MLIP: variants seen among roughly 807,000 people sequenced by gnomAD.
The protein encoded by MLIP is muscular LMNA interacting protein.
In MLIP, 79 loss-of-function variants were observed where a neutral mutation model predicts 84.8. That is an observed-to-expected ratio of 0.93 (90% CI 0.78 to 1.12). The LOEUF (loss-of-function observed/expected upper bound fraction) is 1.12, where lower values mean the gene tolerates loss of function less well. Ranked by LOEUF, MLIP falls within the 50% of genes most tolerant of loss-of-function variation. The probability of loss-of-function intolerance (pLI) is 0.00; values close to 1 mark genes in which losing one functional copy is unlikely to be tolerated. For synonymous variants in MLIP, 504 were observed against 463.0 expected (o/e 1.09, Z -1.14); for missense variants, 1,257 against 1,160.6 (o/e 1.08, Z -1.21).
At chr6:54,169,772 C>T (rs781195351) in intron 9 of MLIP, among the ~76,000 whole-genome samples, 200 bp downstream of exon 9, 10 of 151,540 alleles carry the variant, frequency 6.6e-5, no homozygotes, top group Non-Finnish European at 3.0e-5. Flanking sequence ...ATAAATTTGT[C>T]CTTAAGTGAG....
intron 11 of MLIP, among the ~76,000 whole-genome samples, chr6:54,207,572 A>T (rs1193959322): frequency 1.3e-5 from 2 of 152,172 alleles, no homozygotes; most frequent in Non-Finnish European, 2.9e-5. Flanking sequence ...AGGAGTAAAA[A>T]TCTTAAAGAG....
At chr6:54,170,618 CTG>C (rs1388168608) in intron 9 of MLIP, among the ~76,000 whole-genome samples, 2 of 151,518 alleles carry the variant, frequency 1.3e-5, no homozygotes, top group Non-Finnish European at 3.0e-5. Flanking sequence ...TTTTAGATAA[CTG>C]TCTGATTCTG....
upstream of MLIP, among the ~76,000 whole-genome samples, chr6:54,108,114 A>T (rs1348854119): frequency 2.0e-5 from 3 of 152,188 alleles, no homozygotes; most frequent in South Asian, 2.1e-4. Context: ...TGCTTCAGCT[A>T]TCATCAATAA....
intron 10 of MLIP, among the ~76,000 whole-genome samples, chr6:54,198,479 G>A (rs143212829): frequency 1.5e-3 from 230 of 152,220 alleles, no homozygotes; most frequent in African/African-American, 5.1e-3. Context: ...CTGTTTTATA[G>A]ACTTTCTAAG....
intron 1 of MLIP, among the ~76,000 whole-genome samples, chr6:54,057,014 G>C (rs1457936744): frequency 6.6e-6 from 1 of 152,180 alleles, no homozygotes; most frequent in Non-Finnish European, 1.5e-5. Flanking sequence ...AACATTTATT[G>C]AATGCTTACC....
At chr6:54,263,457 G>A (rs1403714539) in intron 13 of MLIP, among the ~76,000 whole-genome samples, 2 of 151,962 alleles carry the variant, frequency 1.3e-5, no homozygotes, top group East Asian at 1.9e-4. Context: ...AGAACATGCA[G>A]CATTTAATCA....
At chr6:54,128,249 A>G (rs1771090237) in intron 3 of MLIP, among the ~76,000 whole-genome samples, 1 of 152,136 alleles carries the variant, frequency 6.6e-6, no homozygotes, top group Non-Finnish European at 1.5e-5. Flanking sequence ...AGAAGTTGGA[A>G]GTATGAATCC....
intron 1 of MLIP, among the ~76,000 whole-genome samples, chr6:54,114,607 G>C (rs1769749176): frequency 6.6e-6 from 1 of 152,034 alleles, no homozygotes; most frequent in South Asian, 2.1e-4. Context: ...TTTCTCCTAT[G>C]GGTTATTGCA....
intron 1 of MLIP, chr6:54,083,393 A>G: frequency 7.4e-7 from 1 of 1,345,418 alleles, no homozygotes; most frequent in Non-Finnish European, 1.0e-6. Context: ...TTTCCAGTCC[A>G]GAGTTGTTGG....
intron 1 of MLIP, among the ~76,000 whole-genome samples, chr6:54,037,849 C>A (rs1257103299): frequency 1.3e-5 from 2 of 151,904 alleles, no homozygotes; most frequent in Non-Finnish European, 2.9e-5. Flanking sequence ...CTGATGCCCT[C>A]CAGTTGTGGG....
At chr6:54,206,203 T>C (rs775068292) in intron 11 of MLIP, among the ~76,000 whole-genome samples, 22 of 152,174 alleles carry the variant, frequency 1.4e-4, no homozygotes, top group Non-Finnish European at 2.4e-4. Flanking sequence ...GAGGATTTCA[T>C]TGAAGATTTT....
At chr6:54,118,561 G>T (rs1770155490) in intron 1 of MLIP, among the ~76,000 whole-genome samples, 1 of 152,140 alleles carries the variant, frequency 6.6e-6, no homozygotes, top group Non-Finnish European at 1.5e-5. Context: ...CTATGAAACT[G>T]CTAGAAGAAA....
At chr6:54,218,064 A>G in intron 11 of MLIP, 9 of 878,226 alleles carry the variant, frequency 1.0e-5, no homozygotes, top group Non-Finnish European at 1.2e-5. Flanking sequence ...GTGTTTTTAT[A>G]AATAAAGTAT....
chr6:54,133,043 T>A (rs1296647496), intron 3 of MLIP, among the ~76,000 whole-genome samples: 1 of 152,130 alleles, frequency 6.6e-6, no homozygotes, highest in Admixed American at 6.5e-5. Context: ...ATAGCTAGAA[T>A]GTTGGCAATG....
intron 3 of MLIP, 73 bp from the exon 4 acceptor site, chr6:54,136,642 C>T (rs1012770543): frequency 6.8e-6 from 9 of 1,322,038 alleles, no homozygotes; most frequent in Admixed American, 2.9e-5. Context: ...TATAATCGCA[C>T]AAGTGACAAG....
chr6:54,055,353 A>C (rs1435944432), intron 1 of MLIP, among the ~76,000 whole-genome samples: 1 of 152,198 alleles, frequency 6.6e-6, no homozygotes, highest in Non-Finnish European at 1.5e-5. Flanking sequence ...ATGTTTTCAT[A>C]ATGTGGTTTT....
At chr6:54,160,700 C>T (rs759880846) in intron 7 of MLIP, 40 bp from the exon 8 acceptor site, 23 of 1,523,212 alleles carry the variant, frequency 1.5e-5, no homozygotes, top group East Asian at 4.5e-5. Flanking sequence ...CCTTTTCTTT[C>T]CTTTTCTCTT....
At chr6:54,254,790 C>G (rs889358693) in intron 12 of MLIP, among the ~76,000 whole-genome samples, 1 of 146,252 alleles carries the variant, frequency 6.8e-6, no homozygotes, top group African/African-American at 2.6e-5. Flanking sequence ...CCTTCCCCCC[C>G]CACTTTCCTG....
At chr6:54,160,701 C>G (rs772490608) in intron 7 of MLIP, 39 bp from the exon 8 acceptor site, 2 of 1,524,916 alleles carry the variant, frequency 1.3e-6, no homozygotes, top group South Asian at 2.3e-5. Context: ...CTTTTCTTTC[C>G]TTTTCTCTTC....
Sources: gnomAD v4.1 joint callset for allele counts (sites outside exome capture counted in the v4.1 genomes callset) on GRCh38, gnomAD v4.1.1 for gene constraint, MANE v1.5 for transcripts, NCBI Gene and HGNC (gene_info 2026-07-23, HGNC 2026-07-21) for gene names.